The following KTN1 variants were observed in gnomAD, a reference collection of about 807,000 sequenced individuals.
The protein encoded by KTN1 is kinectin 1, also known as kinectin.
Under a neutral mutation model 222.5 loss-of-function variants are expected in KTN1, and 130 were observed. That is an observed-to-expected ratio of 0.58 (90% CI 0.51 to 0.68). The LOEUF (loss-of-function observed/expected upper bound fraction) is 0.68, where lower values mean the gene tolerates loss of function less well. Among genes scored for constraint, KTN1 ranks in the 30% least tolerant of loss-of-function variants. The pLI, the probability that KTN1 is intolerant of heterozygous loss-of-function variation, is 0.00. For missense variants in KTN1, 1,508 were observed against 1,500.4 expected, an observed-to-expected ratio of 1.01 and a Z score of -0.08; for synonymous variants, 512 against 496.3, an observed-to-expected ratio of 1.03 and a Z score of -0.42.
At chr14:55,667,377 A>C in intron 34 of KTN1, 47 bp downstream of exon 34, 1 of 1,154,136 alleles carries the variant, frequency 8.7e-7, no homozygotes, top group Non-Finnish European at 1.3e-6. Context: ...TTATTCAAGA[A>C]AGGTGTGAAT....
chr14:55,630,034 A>G lies in KTN1; in HGVS notation c.1158A>G (p.Glu386=), dbSNP rs1428066700. The G allele has an allele frequency of 4.4e-6, 7 of 1,601,028 alleles. No individual in the cohort carries two copies. The highest frequency in any genetic ancestry group is 1.1e-5 in the South Asian group (1 of 90,822). ...MKDRIGTLEK[E]HNVFQNKIHV... The stretch of plus-strand genomic sequence containing the variant: ...ATCGAATTGGAACATTAGAAAAGGA[A>G]CATAATGTATTTCAAAACAAAATAC... Residue 386 remains glutamate (E), a synonymous_variant, in exon 7 of 44, where the codon GAA becomes GAG. Transcript: ENST00000395314.
chr14:55,581,046 C>T (rs1344581525), intron 1 of KTN1, among the ~76,000 whole-genome samples: 2 of 152,220 alleles, frequency 1.3e-5, no homozygotes, highest in Non-Finnish European at 2.9e-5. Flanking sequence ...TTCCTGTCCC[C>T]GAGGGGTGTG....
intron 24 of KTN1, among the ~76,000 whole-genome samples, chr14:55,650,995 A>C (rs985657430): frequency 6.6e-6 from 1 of 152,108 alleles, no homozygotes; most frequent in Non-Finnish European, 1.5e-5. Context: ...ACATTGCTCT[A>C]TCTCTGCCTT....
At chr14:55,636,373 C>CT (rs138617543) in intron 9 of KTN1, 76 bp from the exon 10 acceptor site, 8 of 1,132,020 alleles carry the variant, frequency 7.1e-6, no homozygotes, top group South Asian at 5.6e-5. Context: ...GTAGAGGATG[C>CT]TTTTTTTCCC....
intron 25 of KTN1, among the ~76,000 whole-genome samples, chr14:55,652,621 G>C (rs541926238): frequency 1.3e-5 from 2 of 152,200 alleles, no homozygotes; most frequent in South Asian, 4.1e-4. Context: ...GGATGGTCTT[G>C]ATCTCCTGAC....
intron 1 of KTN1, chr14:55,607,533 C>G (rs557632696): frequency 1.4e-3 from 220 of 152,090 alleles, no homozygotes; most frequent in African/African-American, 5.1e-3. Context: ...GATTTATGTC[C>G]GAGTGAAAGA....
intron 30 of KTN1, among the ~76,000 whole-genome samples, chr14:55,659,402 C>T (rs1051411440): frequency 1.3e-5 from 2 of 150,760 alleles, no homozygotes; most frequent in African/African-American, 2.4e-5. Context: ...CTTCCATGCA[C>T]ATAGTGGGAA....
intron 6 of KTN1, among the ~76,000 whole-genome samples, chr14:55,629,310 C>T (rs558177251): frequency 2.7e-5 from 4 of 146,406 alleles, no homozygotes; most frequent in South Asian, 2.2e-4. Context: ...CTCAACTACT[C>T]GGGAGGCTGA....
chr14:55,656,955 A>G (rs1449954846), intron 29 of KTN1, among the ~76,000 whole-genome samples: 2 of 152,230 alleles, frequency 1.3e-5, no homozygotes, highest in Non-Finnish European at 2.9e-5. Context: ...TAAAAGAGAT[A>G]GTTAAATAGA....
At chr14:55,583,595 T>G (rs1346028279) in intron 1 of KTN1, among the ~76,000 whole-genome samples, 1 of 152,230 alleles carries the variant, frequency 6.6e-6, no homozygotes, top group Non-Finnish European at 1.5e-5. Context: ...CTAATTGCTT[T>G]GTTCATTCTA....
intron 1 of KTN1, among the ~76,000 whole-genome samples, chr14:55,583,734 A>G (rs13379342): frequency 0.08 from 12,135 of 152,168 alleles, 520 homozygotes; most frequent in South Asian, 0.12. Flanking sequence ...CCATATTTAT[A>G]TCTCCAACCC....
Position 55,661,623 on chromosome 14 carries a change from C to G in KTN1, c.3090+11C>G. 7.1e-7 allele frequency: 1 copy of G among 1,417,004 alleles called. No individual in the cohort carries two copies. Among genetic ancestry groups the G allele is most frequent in the Non-Finnish European group, 9.9e-7 (1 of 1,006,612 alleles). 87.8% of individuals were successfully genotyped at this position (1,417,004 alleles called of 1,614,324 possible). On this transcript the variant is annotated intron_variant, in intron 32 of 43. Transcript: ENST00000395314. ...AGGAAGAAAAACAATGTAAGTAGAT[C>G]TTTATCAGAATGAAGCTTTTCTTTT...
Position 55,616,518 on chromosome 14 carries a change from T to A in KTN1, c.525T>A (p.Asp175Glu). ...PGQKKSKNGS[D>E]DQDKKVETLM... The stretch of plus-strand genomic sequence containing the variant: ...TTTTTTTGTTTGTGTTTAATAAAGA[T>A]GACCAGGATAAAAAGGTGGAAACTC... Residue 175 changes from aspartate (D) to glutamate (E), a missense_variant and splice_region_variant, in exon 3 of 44, where the codon GAT becomes GAA. Asp to Glu is a conservative substitution (Grantham distance 45). Transcript: ENST00000395314. 6.4e-7 allele frequency: 1 copy of A among 1,571,358 alleles called. No homozygotes were observed. The highest frequency in any genetic ancestry group is 8.6e-7 in the Non-Finnish European group (1 of 1,167,638).
Position 55,639,980 on chromosome 14 carries a change from A to G in KTN1, c.1891A>G (p.Thr631Ala), listed in dbSNP as rs142112144. The change falls in exon 14 of 44, where the codon ACA becomes GCA. Residue 631 changes from threonine to alanine, a missense_variant. Coordinates refer to ENST00000395314, the MANE Select transcript of KTN1 (RefSeq NM_001079521.2). ...TTTAGCAAGTGAACGTGATCGTTTA[A>G]CAAGTAAAGAAGAGGAACTTAAGGT... The part of the protein sequence containing the change: ...DSLASERDRL[T>A]SKEEELKDIQ... 4.8e-4 allele frequency: 767 copies of G among 1,604,160 alleles called. 16 individuals carry two copies. In the East Asian group the frequency reaches 0.016, roughly 34 times the overall value.
chr14:55,629,846 A>G (rs2040315093), intron 6 of KTN1, 111 bp from the exon 7 acceptor site: 2 of 770,636 alleles, frequency 2.6e-6, no homozygotes, highest in South Asian at 1.8e-5. Context: ...TTAATGTTTT[A>G]TCATTCATGA....
chr14:55,594,153 G>A (rs910841696), intron 1 of KTN1, among the ~76,000 whole-genome samples: 5 of 152,136 alleles, frequency 3.3e-5, no homozygotes, highest in Admixed American at 6.6e-5. Context: ...AGTATTTGGA[G>A]GAGGATCCTT....
chr14:55,635,390 A>G (rs536765659), intron 9 of KTN1, among the ~76,000 whole-genome samples: 66 of 152,262 alleles, frequency 4.3e-4, no homozygotes, highest in African/African-American at 1.6e-3. Flanking sequence ...CATAGCTTGG[A>G]TTTTTCAGTA....
chr14:55,656,018 G>T, intron 28 of KTN1, 24 bp from the exon 29 acceptor site: 1 of 1,426,976 alleles, frequency 7.0e-7, no homozygotes, highest in Non-Finnish European at 9.8e-7. Context: ...TTTAGTTAAT[G>T]CAGATCTTTG....
rs867604341 is a variant in KTN1 at position 55,661,793 on chromosome 14, A to G, written c.3090+181A>G. The G allele has an allele frequency of 2.5e-4, 99 of 395,936 alleles. 1 individual carries two copies. The highest frequency in any genetic ancestry group is 6.6e-4 in the Middle Eastern group (1 of 1,508). 24.5% of individuals were successfully genotyped at this position (395,936 alleles called of 1,614,324 possible). ...CATTATTGGAGAACAGTTTTTTTTAAATAAGTGAAAAGATGAATTCTTATT... is the reference window on the plus strand; with the variant it reads ...CATTATTGGAGAACAGTTTTTTTTAGATAAGTGAAAAGATGAATTCTTATT... On this transcript the variant is annotated intron_variant, in intron 32 of 43. Coordinates refer to ENST00000395314, the MANE Select transcript of KTN1 (RefSeq NM_001079521.2).
Sources: allele counts gnomAD v4.1 joint callset (sites outside exome capture counted in the v4.1 genomes callset), GRCh38; gene constraint gnomAD v4.1.1; transcripts MANE v1.5; gene names NCBI Gene and HGNC (gene_info 2026-07-23, HGNC 2026-07-21).